Variants in GUCY1B1 observed in about 807,000 individuals in gnomAD.
GUCY1B1 encodes the protein guanylate cyclase soluble subunit beta-1.
A neutral mutation model predicts 71.0 loss-of-function variants in GUCY1B1; 43 were observed. The ratio of observed to expected loss-of-function variants is 0.61; its 90% confidence interval spans 0.47 to 0.78. The LOEUF (loss-of-function observed/expected upper bound fraction) is 0.78, where lower values mean the gene tolerates loss of function less well. Ranked by LOEUF, GUCY1B1 falls within the 30% of genes least tolerant of loss-of-function variation. GUCY1B1 has a pLI of 0.00. For synonymous variants in GUCY1B1, 266 were observed against 259.7 expected, an observed-to-expected ratio of 1.02 and a Z score of -0.23; for missense variants, 535 against 754.1, an observed-to-expected ratio of 0.71 and a Z score of 3.40.
intron 5 of GUCY1B1, among the ~76,000 whole-genome samples, chr4:155,791,554 C>A (rs1739169698): frequency 6.7e-6 from 1 of 150,068 alleles, no homozygotes; most frequent in Non-Finnish European, 1.5e-5. Context: ...CACGGTGAAA[C>A]CCCGTCTCTA....
At position 155,806,596 on chromosome 4, in the gene GUCY1B1, C is replaced by G; in HGVS notation, c.*187C>G. ...TCAACCTTAGCTCTGCTTTCTATTACTTTTTAGGCTTTAGTATATTATCTA... is the reference window on the plus strand; with the variant it reads ...TCAACCTTAGCTCTGCTTTCTATTAGTTTTTAGGCTTTAGTATATTATCTA... On this transcript the variant is annotated 3_prime_UTR_variant, in exon 14 of 14. Coordinates refer to ENST00000264424, the MANE Select transcript of GUCY1B1 (RefSeq NM_000857.5). The G allele has an allele frequency of 2.1e-6, 1 of 480,308 alleles. No individual in the cohort carries two copies. Among genetic ancestry groups the G allele is most frequent in the East Asian group, 3.1e-5 (1 of 31,820 alleles). 29.8% of individuals were successfully genotyped at this position (480,308 alleles called of 1,614,324 possible).
intron 7 of GUCY1B1, 83 bp from the exon 8 acceptor site, chr4:155,796,294 A>G: frequency 8.0e-7 from 1 of 1,249,738 alleles, no homozygotes; most frequent in Non-Finnish European, 1.1e-6. Flanking sequence ...GTTTGGTGGG[A>G]AATGAGATAT....
chr4:155,765,506 A>G (rs187952297), intron 2 of GUCY1B1, among the ~76,000 whole-genome samples: 1 of 152,308 alleles, frequency 6.6e-6, no homozygotes, highest in East Asian at 1.9e-4. Context: ...TCTGTGTCAA[A>G]CTATATCAAA....
At chr4:155,799,336 G>A (rs1739783600) in intron 8 of GUCY1B1, among the ~76,000 whole-genome samples, 1 of 152,122 alleles carries the variant, frequency 6.6e-6, no homozygotes, top group African/African-American at 2.4e-5. Context: ...AAGTAAGAAT[G>A]ACACATAGTT....
chr4:155,760,958 A>G (rs1736961782), intron 2 of GUCY1B1, among the ~76,000 whole-genome samples: 1 of 152,198 alleles, frequency 6.6e-6, no homozygotes, highest in Non-Finnish European at 1.5e-5. Context: ...ATGCAGTTAC[A>G]TGATGGTGAT....
rs1317354015 is a variant in GUCY1B1, at chr4:155,807,123, CT to C, written c.*715del. ...ATGCTATCATTTGTAACTGTATCCCCTGTATTAAATCTCATTAACCACAGGC... is the reference window on the plus strand; with the variant it reads ...ATGCTATCATTTGTAACTGTATCCCCGTATTAAATCTCATTAACCACAGGC... On this transcript the variant is annotated 3_prime_UTR_variant, in exon 14 of 14. Coordinates refer to ENST00000264424, the MANE Select transcript of GUCY1B1 (RefSeq NM_000857.5). 2.6e-5 allele frequency: 4 copies of C among 152,182 alleles called. No homozygotes were observed. The highest frequency in any genetic ancestry group is 9.7e-5 in the African/African-American group (4 of 41,448). 9.4% of individuals were successfully genotyped at this position (152,182 alleles called of 1,614,324 possible). A position where few individuals can be genotyped will look rare whatever the true frequency, so the allele number is the denominator to read the frequency against.
At chr4:155,800,622 A>C (rs1739880629) in intron 9 of GUCY1B1, among the ~76,000 whole-genome samples, 1 of 152,234 alleles carries the variant, frequency 6.6e-6, no homozygotes, top group Admixed American at 6.5e-5. Context: ...AAATATCAAA[A>C]TATAAAACAT....
chr4:155,803,402 C>A (rs868510362), intron 10 of GUCY1B1, among the ~76,000 whole-genome samples: 1 of 152,190 alleles, frequency 6.6e-6, no homozygotes, highest in Non-Finnish European at 1.5e-5. Context: ...TCTGTACCTG[C>A]CCGTCATCAA....
At position 155,795,378 on chromosome 4, in the gene GUCY1B1, C is replaced by T. The variant is rs761059016; in HGVS notation, c.764C>T (p.Ser255Leu). 22 of 1,610,336 alleles carry T rather than the reference C, an allele frequency of 1.4e-5. No individual in the cohort carries two copies. The Admixed American group carries it at 2.8e-4, about 21-fold the overall frequency. ...AATTGCAGCCTTCTGTCTGTCTTCT[C>T]GCTGGTTCGTCCTCATATTGATATT... ...PGNCSLLSVF[S>L]LVRPHIDISF... Residue 255 changes from serine (S) to leucine (L), a missense_variant, in exon 7 of 14, where the codon TCG (serine) becomes TTG (leucine). Ser to Leu is a moderately radical substitution (Grantham distance 145). Coordinates refer to ENST00000264424, the MANE Select transcript of GUCY1B1 (RefSeq NM_000857.5).
At chr4:155,804,797 T>C (rs1385190371) in intron 12 of GUCY1B1, 50 bp downstream of exon 12, 10 of 1,489,742 alleles carry the variant, frequency 6.7e-6, no homozygotes, top group Non-Finnish European at 9.2e-6. Flanking sequence ...AAATGTGTCT[T>C]TGCATGTGGT....
At chr4:155,799,162 T>G in intron 8 of GUCY1B1, among the ~76,000 whole-genome samples, 1 of 152,160 alleles carries the variant, frequency 6.6e-6, no homozygotes. Flanking sequence ...TAAAAAGCAG[T>G]TAACTTTTTA....
intron 2 of GUCY1B1, among the ~76,000 whole-genome samples, chr4:155,773,278 G>A (rs1296583650): frequency 2.0e-5 from 3 of 152,090 alleles, no homozygotes; most frequent in Admixed American, 6.6e-5. Flanking sequence ...ACATTTATGA[G>A]GTACATGTGC....
chr4:155,769,983 C>T (rs1266791823), intron 2 of GUCY1B1, among the ~76,000 whole-genome samples: 1 of 152,032 alleles, frequency 6.6e-6, no homozygotes, highest in Non-Finnish European at 1.5e-5. Context: ...GGTGAATGTA[C>T]TTGGCTGAAT....
At chr4:155,805,404 T>C (rs552207034) in intron 13 of GUCY1B1, among the ~76,000 whole-genome samples, 175 bp downstream of exon 13, 1 of 152,176 alleles carries the variant, frequency 6.6e-6, no homozygotes, top group Non-Finnish European at 1.5e-5. Context: ...CAATCATAAG[T>C]ACTTTTTAGG....
In GUCY1B1 at chr4:155,804,614, G is replaced by A. The variant is rs2111182797; in HGVS notation, c.1576G>A (p.Gly526Arg). 1 of 1,612,390 alleles carries A rather than the reference G, an allele frequency of 6.2e-7. No individual in the cohort carries two copies. The highest frequency in any genetic ancestry group is 8.5e-7 in the Non-Finnish European group (1 of 1,178,540). ...GCAGATAACAATAGGGATACACACT[G>A]GAGAGGTAGTTACAGGTGTCATAGG... The part of the protein sequence containing the change: ...SVQITIGIHT[G>R]EVVTGVIGQR... The change falls in exon 12 of 14, where the codon GGA becomes AGA. Residue 526 changes from glycine (G) to arginine (R), a missense_variant. By Grantham distance (125) the Gly-to-Arg change is moderately radical (BLOSUM62 -2). Transcript: ENST00000264424.
chr4:155,773,364 AAAGT>A (rs1737821965), intron 2 of GUCY1B1, among the ~76,000 whole-genome samples: 2 of 152,208 alleles, frequency 1.3e-5, no homozygotes, highest in Non-Finnish European at 2.9e-5. Flanking sequence ...TTGTTTGAGA[AAAGT>A]AATTCAAATC....
chr4:155,759,267 G>C (rs1736778439), intron 1 of GUCY1B1, 124 bp downstream of exon 1: 2 of 959,936 alleles, frequency 2.1e-6, no homozygotes, highest in South Asian at 1.6e-5. Flanking sequence ...CCGGCCACGG[G>C]AGCAGCCTCA....
chr4:155,763,189 T>G (rs1468524165), intron 2 of GUCY1B1, among the ~76,000 whole-genome samples: 4 of 152,210 alleles, frequency 2.6e-5, no homozygotes, highest in Admixed American at 2.0e-4. Flanking sequence ...TTCTCTGCTT[T>G]CTTTCCATAT....
rs988643296 is a variant in GUCY1B1 at position 155,807,594 on chromosome 4, T to C, written c.*1185T>C. 5.3e-5 allele frequency: 8 copies of C among 152,154 alleles called. No individual in the cohort carries two copies. The highest frequency in any genetic ancestry group is 2.0e-4 in the Admixed American group (3 of 15,248). 9.4% of individuals were successfully genotyped at this position (152,154 alleles called of 1,614,324 possible). On this transcript the variant is annotated 3_prime_UTR_variant, in exon 14 of 14. Coordinates refer to ENST00000264424, the MANE Select transcript of GUCY1B1 (RefSeq NM_000857.5). The stretch of plus-strand genomic sequence containing the variant: ...TAATAAATTATTTTTTTCACGTGTC[T>C]CTATACAGTTTTTATTTCAATAAAA...
Sources: allele counts gnomAD v4.1 joint callset (sites outside exome capture counted in the v4.1 genomes callset), GRCh38; gene constraint gnomAD v4.1.1; transcripts MANE v1.5; gene names NCBI Gene and HGNC (gene_info 2026-07-23, HGNC 2026-07-21).